Variants in XKR3 observed in about 807,000 individuals in gnomAD.
XKR3 encodes the protein XK-related protein 3.
In XKR3, 27 loss-of-function variants were observed where a neutral mutation model predicts 40.3. That is an observed-to-expected ratio of 0.67 (90% CI 0.49 to 0.92). XKR3 has a LOEUF of 0.92. Among genes scored for constraint, XKR3 ranks in the 40% least tolerant of loss-of-function variants. The pLI is 0.00. For missense variants in XKR3, 472 were observed against 537.6 expected (o/e 0.88, Z 1.21); for synonymous variants, 193 against 195.4 (o/e 0.99, Z 0.10).
chr22:16,791,195 A>G (rs1184142880), intron 3 of XKR3, among the ~76,000 whole-genome samples: 22 of 152,200 alleles, frequency 1.4e-4, no homozygotes, highest in African/African-American at 5.1e-4. Context: ...TGGTACATAT[A>G]CACAATGGAA....
chr22:16,799,105 C>T (rs1367844992), intron 3 of XKR3, among the ~76,000 whole-genome samples: 2 of 152,058 alleles, frequency 1.3e-5, no homozygotes, highest in Admixed American at 6.6e-5. Context: ...CATGCAGTTT[C>T]GACTTCTATT....
chr22:16,819,911 C>A (rs1238274093), intron 1 of XKR3, among the ~76,000 whole-genome samples: 1 of 152,046 alleles, frequency 6.6e-6, no homozygotes, highest in African/African-American at 2.4e-5. Context: ...ACAAAGGGTA[C>A]AAAGACATTT....
intron 3 of XKR3, among the ~76,000 whole-genome samples, chr22:16,793,226 G>T (rs2060127708): frequency 6.6e-6 from 1 of 152,134 alleles, no homozygotes; most frequent in South Asian, 2.1e-4. Flanking sequence ...TGGCCAGGCT[G>T]GTCTCTAACT....
intron 3 of XKR3, among the ~76,000 whole-genome samples, chr22:16,796,433 T>G (rs1399493934): frequency 6.6e-6 from 1 of 152,158 alleles, no homozygotes; most frequent in Non-Finnish European, 1.5e-5. Flanking sequence ...ATATCCCTCA[T>G]GAACACAGAT....
intron 2 of XKR3, among the ~76,000 whole-genome samples, chr22:16,806,260 CAA>C (rs59631397): frequency 7.6e-6 from 1 of 131,990 alleles, no homozygotes. Context: ...TAGTTCATCT[CAA>C]AAAAAAAAAG....
intron 2 of XKR3, among the ~76,000 whole-genome samples, chr22:16,801,582 C>T (rs148615417): frequency 1.6e-4 from 25 of 151,972 alleles, no homozygotes; most frequent in East Asian, 5.8e-4. Context: ...TTTAAAATAA[C>T]GCAATGCGGG....
intron 3 of XKR3, among the ~76,000 whole-genome samples, chr22:16,790,426 C>A (rs1177667501): frequency 6.7e-6 from 1 of 149,632 alleles, no homozygotes; most frequent in African/African-American, 2.4e-5. Context: ...TTAAAATATA[C>A]AAGGAACTTA....
intron 3 of XKR3, among the ~76,000 whole-genome samples, chr22:16,799,413 CAAAAA>C (rs528071823): frequency 9.2e-4 from 30 of 32,542 alleles, no homozygotes; most frequent in Admixed American, 9.1e-4. Context: ...GACTATGTCT[CAAAAA>C]AAAAAAAAAA....
chr22:16,797,458 A>G (rs573154158), intron 3 of XKR3, among the ~76,000 whole-genome samples: 79 of 152,304 alleles, frequency 5.2e-4, no homozygotes, highest in African/African-American at 1.8e-3. Context: ...TCTATAGGGA[A>G]CTTAAATCAA....
At chr22:16,821,709 C>G (rs1479650105) in intron 1 of XKR3, 5 of 152,018 alleles carry the variant, frequency 3.3e-5, no homozygotes, top group Non-Finnish European at 5.9e-5. Context: ...GATTTTGTTA[C>G]AAGAATAATC....
intron 1 of XKR3, among the ~76,000 whole-genome samples, chr22:16,823,056 T>C (rs770792507): frequency 2.0e-5 from 3 of 152,104 alleles, no homozygotes; most frequent in Admixed American, 6.6e-5. Flanking sequence ...CTAATTTTTG[T>C]GTTTTTTGAG....
chr22:16,798,225 A>T (rs73159890), intron 3 of XKR3, among the ~76,000 whole-genome samples: 26,289 of 151,256 alleles, frequency 0.17, 2,839 homozygotes, highest in East Asian at 0.28. Context: ...CAATTTCAGC[A>T]TCAGTAATCA....
intron 3 of XKR3, among the ~76,000 whole-genome samples, chr22:16,784,765 T>A (rs1324322361): frequency 1.3e-5 from 2 of 151,310 alleles, no homozygotes; most frequent in African/African-American, 4.9e-5. Context: ...CAGTCTCAAT[T>A]AAAAAAAAAT....
intron 1 of XKR3, among the ~76,000 whole-genome samples, chr22:16,815,772 T>A (rs540755738): frequency 2.0e-5 from 3 of 151,984 alleles, no homozygotes; most frequent in Non-Finnish European, 4.4e-5. Context: ...ATTAATCACC[T>A]CTCACTACAA....
At chr22:16,822,301 T>C (rs2060260184) in intron 1 of XKR3, among the ~76,000 whole-genome samples, 1 of 151,974 alleles carries the variant, frequency 6.6e-6, no homozygotes, top group African/African-American at 2.4e-5. Context: ...TTGTGGTAAA[T>C]TTGAGATGTA....
intron 1 of XKR3, among the ~76,000 whole-genome samples, chr22:16,810,064 T>C (rs1034021752): frequency 3.9e-5 from 6 of 152,246 alleles, no homozygotes; most frequent in Admixed American, 3.3e-4. Flanking sequence ...TTATAAAAGT[T>C]ATTTTTTAGT....
chr22:16,817,502 G>A (rs1484438104), intron 1 of XKR3, among the ~76,000 whole-genome samples: 1 of 152,072 alleles, frequency 6.6e-6, no homozygotes, highest in African/African-American at 2.4e-5. Flanking sequence ...TTAGATCCTA[G>A]TATCTGTGGT....
intron 3 of XKR3, among the ~76,000 whole-genome samples, chr22:16,798,918 G>A (rs188356948): frequency 6.6e-6 from 1 of 152,230 alleles, no homozygotes; most frequent in African/African-American, 2.4e-5. Context: ...TTACTACCTG[G>A]GTGATGGGAT....
intron 3 of XKR3, among the ~76,000 whole-genome samples, chr22:16,785,783 G>A (rs1176310671): frequency 1.7e-4 from 26 of 152,190 alleles, no homozygotes; most frequent in Admixed American, 5.2e-4. Context: ...AGGAGGCAGA[G>A]GTTGCAGTGA....
Sources: gnomAD v4.1 joint callset for allele counts (sites outside exome capture counted in the v4.1 genomes callset) on GRCh38, gnomAD v4.1.1 for gene constraint, MANE v1.5 for transcripts, NCBI Gene and HGNC (gene_info 2026-07-23, HGNC 2026-07-21) for gene names.